The following CACNA2D3 variants were observed in gnomAD, a reference collection of about 807,000 sequenced individuals.
The protein encoded by CACNA2D3 is calcium voltage-gated channel auxiliary subunit alpha2delta 3, also known as voltage-dependent calcium channel subunit alpha-2/delta-3.
CACNA2D3 carries 60 observed loss-of-function variants against 160.6 expected under a neutral mutation model. The ratio of observed to expected loss-of-function variants is 0.37; its 90% CI spans 0.30 to 0.46. The LOEUF is 0.46. CACNA2D3 is among the 20% of genes least tolerant of loss of function. The pLI, the probability that CACNA2D3 is intolerant of heterozygous loss-of-function variation, is 1.00. For missense variants in CACNA2D3, 1,205 were observed against 1,365.0 expected (o/e 0.88, Z 1.85); for synonymous variants, 558 against 492.9 (o/e 1.13, Z -1.75).
At chr3:55,033,083 G>T (rs1249653166) in intron 35 of CACNA2D3, among the ~76,000 whole-genome samples, 4 of 152,062 alleles carry the variant, frequency 2.6e-5, no homozygotes, top group Non-Finnish European at 5.9e-5. Context: ...GCAACTTTGT[G>T]ATTTTCCTTA....
At chr3:54,605,925 T>C (rs772877713) in intron 9 of CACNA2D3, among the ~76,000 whole-genome samples, 15 of 152,352 alleles carry the variant, frequency 9.8e-5, no homozygotes, top group South Asian at 2.1e-4. Flanking sequence ...TTTTCTTCTG[T>C]AATGCCTTCA....
At chr3:55,042,319 A>T (rs1418737774) in intron 35 of CACNA2D3, among the ~76,000 whole-genome samples, 1 of 152,040 alleles carries the variant, frequency 6.6e-6, no homozygotes, top group Non-Finnish European at 1.5e-5. Flanking sequence ...ATTATTTTGA[A>T]ATCCTGTTAT....
intron 4 of CACNA2D3, among the ~76,000 whole-genome samples, chr3:54,446,034 A>G (rs1700217472): frequency 6.6e-6 from 1 of 152,214 alleles, no homozygotes; most frequent in Non-Finnish European, 1.5e-5. Context: ...TTTGGCAATG[A>G]GGAATCCAGG....
intron 17 of CACNA2D3, among the ~76,000 whole-genome samples, chr3:54,851,407 C>G (rs114079033): frequency 0.013 from 1,942 of 152,232 alleles, 44 homozygotes; most frequent in African/African-American, 0.044. Flanking sequence ...AGATGGGAAG[C>G]TGAGGCACTG....
intron 11 of CACNA2D3, among the ~76,000 whole-genome samples, chr3:54,748,843 A>G (rs557598975): frequency 2.0e-5 from 3 of 152,142 alleles, no homozygotes; most frequent in African/African-American, 4.8e-5. Flanking sequence ...TAGGGAAGAA[A>G]CTCCAGTTGT....
intron 27 of CACNA2D3, among the ~76,000 whole-genome samples, chr3:54,909,175 T>C (rs1038915109): frequency 2.6e-5 from 4 of 152,224 alleles, no homozygotes; most frequent in Non-Finnish European, 4.4e-5. Context: ...TCTAAAAATA[T>C]ATGTTTTCAT....
intron 16 of CACNA2D3, among the ~76,000 whole-genome samples, chr3:54,842,607 C>CT (rs11404506): frequency 0.59 from 84,950 of 143,018 alleles, 25,210 homozygotes; most frequent in Non-Finnish European, 0.62. Context: ...TTTTTCTTTT[C>CT]TTTTTTTTTT....
intron 4 of CACNA2D3, among the ~76,000 whole-genome samples, chr3:54,500,313 C>A (rs1701267373): frequency 6.6e-6 from 1 of 152,140 alleles, no homozygotes; most frequent in African/African-American, 2.4e-5. Flanking sequence ...TTCTTATGGA[C>A]AAAATATAGT....
In CACNA2D3 at chr3:54,248,328, A is replaced by G. The variant is rs528216668; in HGVS notation, c.205-72114A>G. ...AAACCCCGTCCCTACTAAAAATACA[A>G]AAATTAGCCGGGCATGGTGGCATGC... is the stretch of plus-strand genomic sequence containing the variant. On this transcript the variant is annotated intron_variant, in intron 2 of 37. Transcript: ENST00000474759. Among the ~76,000 whole-genome samples the G allele has an allele frequency of 9.2e-5, 14 of 152,068 alleles. No individual in the cohort carries two copies. The Middle Eastern group carries it at 0.014, about 148-fold the overall frequency.
At chr3:54,909,586 A>G (rs1700514741) in intron 27 of CACNA2D3, among the ~76,000 whole-genome samples, 1 of 152,026 alleles carries the variant, frequency 6.6e-6, no homozygotes, top group African/African-American at 2.4e-5. Flanking sequence ...GCAGCTTCAA[A>G]TGCAGCTCAA....
chr3:54,812,377 A>G (rs991367290), intron 13 of CACNA2D3, among the ~76,000 whole-genome samples: 1 of 152,226 alleles, frequency 6.6e-6, no homozygotes, highest in Non-Finnish European at 1.5e-5. Flanking sequence ...GAGAGGGTAA[A>G]CAAGTCTTCT....
intron 11 of CACNA2D3, among the ~76,000 whole-genome samples, chr3:54,710,492 T>C (rs1700934258): frequency 6.6e-6 from 1 of 152,158 alleles, no homozygotes; most frequent in Non-Finnish European, 1.5e-5. Flanking sequence ...GAGAGAAAGA[T>C]TGAGGCAAAT....
chr3:54,347,588 T>C (rs1415540496), intron 3 of CACNA2D3, among the ~76,000 whole-genome samples: 1 of 152,076 alleles, frequency 6.6e-6, no homozygotes, highest in Non-Finnish European at 1.5e-5. Flanking sequence ...ATCAGATGTT[T>C]GTGGGATACA....
At chr3:54,594,385 C>T (rs1369796356) in intron 9 of CACNA2D3, among the ~76,000 whole-genome samples, 2 of 152,040 alleles carry the variant, frequency 1.3e-5, no homozygotes, top group East Asian at 3.8e-4. Flanking sequence ...TTTTCCAATC[C>T]CTGGTCTAGA....
At chr3:54,991,823 T>C (rs1278663985) in intron 31 of CACNA2D3, among the ~76,000 whole-genome samples, 1 of 152,208 alleles carries the variant, frequency 6.6e-6, no homozygotes, top group Admixed American at 6.5e-5. Context: ...TTTCTGAGAA[T>C]TAACTAAAAT....
At chr3:54,802,909 C>T (rs530040135) in intron 13 of CACNA2D3, among the ~76,000 whole-genome samples, 26 of 152,272 alleles carry the variant, frequency 1.7e-4, no homozygotes, top group East Asian at 5.8e-4. Flanking sequence ...CACGAAAGTC[C>T]GCTGTTCTGC....
chr3:54,261,931 C>G (rs1332642152), intron 2 of CACNA2D3, among the ~76,000 whole-genome samples: 3 of 152,170 alleles, frequency 2.0e-5, no homozygotes, highest in Admixed American at 6.5e-5. Flanking sequence ...CCCATGGTGC[C>G]TGACTATGTC....
chr3:54,977,497 C>A (rs1575418193), intron 29 of CACNA2D3, among the ~76,000 whole-genome samples: 1 of 152,182 alleles, frequency 6.6e-6, no homozygotes, highest in Non-Finnish European at 1.5e-5. Flanking sequence ...AAGATATTGA[C>A]CAAAGATGTA....
At chr3:54,487,353 G>T (rs1701030714) in intron 4 of CACNA2D3, among the ~76,000 whole-genome samples, 1 of 152,160 alleles carries the variant, frequency 6.6e-6, no homozygotes, top group African/African-American at 2.4e-5. Flanking sequence ...GGGTGACAGA[G>T]CAAGACCCTG....
Sources: allele counts gnomAD v4.1 joint callset (sites outside exome capture counted in the v4.1 genomes callset), GRCh38; gene constraint gnomAD v4.1.1; transcripts MANE v1.5; gene names NCBI Gene and HGNC (gene_info 2026-07-23, HGNC 2026-07-21).